The following FMO1 variants were observed in gnomAD, a reference collection of about 807,000 sequenced individuals.
The protein encoded by FMO1 is flavin-containing monooxygenase 1.
Under a neutral mutation model 45.4 loss-of-function variants are expected in FMO1, and 36 were observed. The observed-to-expected ratio is 0.79, with a 90% confidence interval of 0.61 to 1.05. The LOEUF is 1.05. Ranked by LOEUF, FMO1 falls within the 50% of genes least tolerant of loss-of-function variation. FMO1 has a pLI of 0.00. For missense variants in FMO1, 615 were observed against 640.3 expected, an observed-to-expected ratio of 0.96 and a Z score of 0.43; for synonymous variants, 228 against 227.2, an observed-to-expected ratio of 1.00 and a Z score of -0.03.
intron 4 of FMO1, among the ~76,000 whole-genome samples, chr1:171,276,761 T>C (rs1393956367): frequency 6.6e-6 from 1 of 152,132 alleles, no homozygotes; most frequent in African/African-American, 2.4e-5. Context: ...ACCCTAAACA[T>C]ACACCTCTCA....
At chr1:171,256,963 A>G (rs1660187417) in intron 1 of FMO1, among the ~76,000 whole-genome samples, 1 of 152,236 alleles carries the variant, frequency 6.6e-6, no homozygotes, top group East Asian at 1.9e-4. Flanking sequence ...GAAATGCTAT[A>G]GGAATTAAAA....
intron 3 of FMO1, among the ~76,000 whole-genome samples, chr1:171,274,528 A>T (rs1169996710): frequency 1.3e-5 from 2 of 152,270 alleles, no homozygotes; most frequent in Non-Finnish European, 2.9e-5. Context: ...GAAAGATTTT[A>T]AACTAACTGA....
intron 3 of FMO1, among the ~76,000 whole-genome samples, chr1:171,274,348 C>T (rs562796170): frequency 1.3e-5 from 2 of 151,746 alleles, no homozygotes; most frequent in East Asian, 3.9e-4. Context: ...GAAGCCTTGA[C>T]TTCCCAAGCA....
rs1429786616 is a variant in FMO1 at position 171,280,945 on chromosome 1, T to G, written c.787T>G (p.Trp263Gly). The change falls in exon 6 of 9, where the codon TGG (tryptophan) becomes GGG (glycine). Residue 263 changes from tryptophan (W) to glycine (G), a missense_variant. Physicochemically the swap from Trp to Gly is radical, Grantham distance 184 (BLOSUM62 -2). Coordinates refer to ENST00000617670, the MANE Select transcript of FMO1 (RefSeq NM_001282693.2). ...GTTGATGGAGCGAAAGATAAACAAC[T>G]GGCTCAATCATGCAAATTACGGCTT... Reference protein sequence around the residue: ...TWLMERKINNWLNHANYGLIP... With the variant: ...TWLMERKINNGLNHANYGLIP... 1 of 1,613,902 alleles carries G rather than the reference T, an allele frequency of 6.2e-7. No individual in the cohort carries two copies. Among genetic ancestry groups the G allele is most frequent in the Admixed American group, 1.7e-5 (1 of 59,988 alleles).
intron 5 of FMO1, 129 bp from the exon 6 acceptor site, chr1:171,280,657 T>C: frequency 1.4e-6 from 1 of 693,508 alleles, no homozygotes; most frequent in Non-Finnish European, 2.6e-6. Context: ...GACTATCTTG[T>C]CAGGGGTGTA....
intron 2 of FMO1, among the ~76,000 whole-genome samples, chr1:171,264,542 T>G (rs1357361550): frequency 3.9e-5 from 6 of 152,146 alleles, no homozygotes; most frequent in African/African-American, 1.4e-4. Context: ...TAAAGCACTC[T>G]CACTCAAAAT....
intron 1 of FMO1, chr1:171,257,812 A>T: frequency 2.3e-6 from 1 of 431,038 alleles, no homozygotes; most frequent in African/African-American, 2.0e-5. Flanking sequence ...AAAAGGTCCA[A>T]TTCCAGCAGC....
intron 2 of FMO1, among the ~76,000 whole-genome samples, chr1:171,264,314 TTG>T (rs949480380): frequency 2.0e-5 from 3 of 149,406 alleles, no homozygotes; most frequent in Non-Finnish European, 4.4e-5. Flanking sequence ...AATTTTTAAT[TTG>T]TGTGTGTGTA....
At chr1:171,280,695 C>A in intron 5 of FMO1, 91 bp from the exon 6 acceptor site, 1 of 1,083,890 alleles carries the variant, frequency 9.2e-7, no homozygotes, top group Non-Finnish European at 1.4e-6. Flanking sequence ...TTTTCAGTGC[C>A]TTTCCATTCA....
intron 8 of FMO1, among the ~76,000 whole-genome samples, chr1:171,284,801 C>G (rs1367093217): frequency 6.6e-6 from 1 of 151,066 alleles, no homozygotes; most frequent in Non-Finnish European, 1.5e-5. Flanking sequence ...AAGCCTAATA[C>G]CAGCATTTCA....
intron 2 of FMO1, among the ~76,000 whole-genome samples, chr1:171,262,057 C>T (rs937076574): frequency 6.6e-6 from 1 of 152,142 alleles, no homozygotes; most frequent in Non-Finnish European, 1.5e-5. Flanking sequence ...AAAAGTGATA[C>T]TTGAAACAAA....
At chr1:171,276,015 A>G (rs1661093611) in intron 4 of FMO1, among the ~76,000 whole-genome samples, 1 of 152,220 alleles carries the variant, frequency 6.6e-6, no homozygotes, top group Non-Finnish European at 1.5e-5. Context: ...TTGGGAGACA[A>G]CTTAAGACAT....
chr1:171,284,938 T>TA, intron 8 of FMO1, among the ~76,000 whole-genome samples: 1 of 152,188 alleles, frequency 6.6e-6, no homozygotes, highest in African/African-American at 2.4e-5. Context: ...TAGAAATTGC[T>TA]AATTATTTCA....
At chr1:171,277,858 C>A (rs928044581) in intron 4 of FMO1, among the ~76,000 whole-genome samples, 6 of 152,054 alleles carry the variant, frequency 3.9e-5, no homozygotes, top group Non-Finnish European at 8.8e-5. Context: ...AATGCCACTC[C>A]CCACAAGTAT....
chr1:171,254,631 C>A (rs1329953272), intron 1 of FMO1, among the ~76,000 whole-genome samples: 1 of 152,182 alleles, frequency 6.6e-6, no homozygotes, highest in African/African-American at 2.4e-5. Context: ...GGATGATACA[C>A]TGTCGTTGGT....
At chr1:171,271,814 G>A (rs1465494103) in intron 3 of FMO1, among the ~76,000 whole-genome samples, 1 of 152,202 alleles carries the variant, frequency 6.6e-6, no homozygotes, top group Non-Finnish European at 1.5e-5. Flanking sequence ...TGCTGTTAAA[G>A]GCATTCAGTT....
chr1:171,285,254 G>A lies in FMO1; in HGVS notation c.1309G>A (p.Asp437Asn), dbSNP rs373383562. 1.2e-5 allele frequency: 20 copies of A among 1,613,548 alleles called. No individual in the cohort carries two copies. The African/African-American group carries it at 2.7e-4, about 22-fold the overall frequency. Residue 437 changes from aspartate to asparagine, a missense_variant, in exon 9 of 9, where the codon GAT (aspartate) becomes AAT (asparagine). Physicochemically the swap from Asp to Asn is conservative, Grantham distance 23 (BLOSUM62 1). Transcript: ENST00000617670. ...ACAATCAGATTATATCACATACATA[G>A]ATGAACTCCTGACCTATATCAATGC... ...ALQSDYITYI[D>N]ELLTYINAKP... is the part of the protein sequence containing the mutation.
chr1:171,252,995 T>C (rs1299154136), intron 1 of FMO1, among the ~76,000 whole-genome samples: 2 of 152,226 alleles, frequency 1.3e-5, no homozygotes, highest in African/African-American at 4.8e-5. Context: ...CTGATATTGA[T>C]ATTGTGCGCC....
chr1:171,263,887 C>T (rs1450634365), intron 2 of FMO1, among the ~76,000 whole-genome samples: 1 of 152,058 alleles, frequency 6.6e-6, no homozygotes, highest in East Asian at 1.9e-4. Flanking sequence ...AGGTGAGGGG[C>T]CAGGTCCCAC....
Sources: allele counts gnomAD v4.1 joint callset (sites outside exome capture counted in the v4.1 genomes callset), GRCh38; gene constraint gnomAD v4.1.1; transcripts MANE v1.5; gene names NCBI Gene and HGNC (gene_info 2026-07-23, HGNC 2026-07-21).